The following CPPED1 variants were observed in gnomAD, a reference collection of about 807,000 sequenced individuals.
CPPED1 encodes the protein serine/threonine-protein phosphatase CPPED1.
CPPED1 carries 28 observed loss-of-function variants against 28.0 expected under a neutral mutation model. The observed-to-expected ratio is 1.00, with a 90% CI of 0.74 to 1.37. The LOEUF (loss-of-function observed/expected upper bound fraction) is 1.37. Ranked by LOEUF, CPPED1 falls within the 40% of genes most tolerant of loss-of-function variation. The pLI, the probability that CPPED1 is intolerant of heterozygous loss-of-function variation, is 0.00. For synonymous variants in CPPED1, 198 were observed against 180.2 expected, an observed-to-expected ratio of 1.10 and a Z score of -0.79; for missense variants, 504 against 416.5, an observed-to-expected ratio of 1.21 and a Z score of -1.83.
chr16:12,791,783 C>T (rs12596283), intron 1 of CPPED1, among the ~76,000 whole-genome samples: 6,224 of 152,268 alleles, frequency 0.041, 294 homozygotes, highest in East Asian at 0.11. Flanking sequence ...CAGGGCAGGC[C>T]CACGTTTGCA....
intron 2 of CPPED1, among the ~76,000 whole-genome samples, chr16:12,758,620 C>T (rs1438958854): frequency 6.6e-6 from 1 of 152,168 alleles, no homozygotes; most frequent in African/African-American, 2.4e-5. Flanking sequence ...GATGTCTTCA[C>T]TTTCTGACTT....
chr16:12,667,625 C>T (rs1163569545), intron 3 of CPPED1, among the ~76,000 whole-genome samples: 2 of 152,054 alleles, frequency 1.3e-5, no homozygotes, highest in African/African-American at 4.8e-5. Context: ...CAATTCTAGA[C>T]ATCAATCAAA....
intron 2 of CPPED1, among the ~76,000 whole-genome samples, chr16:12,775,091 A>T (rs1201556476): frequency 6.6e-6 from 1 of 152,028 alleles, no homozygotes; most frequent in Admixed American, 6.6e-5. Flanking sequence ...AAGTGCTGGG[A>T]TTATAGATGT....
chr16:12,695,885 C>G (rs1349523653), intron 3 of CPPED1, among the ~76,000 whole-genome samples: 1 of 152,174 alleles, frequency 6.6e-6, no homozygotes, highest in Non-Finnish European at 1.5e-5. Context: ...AAACTGTGAA[C>G]TTTAATTTGT....
At chr16:12,785,425 T>TC (rs1491540271) in intron 1 of CPPED1, among the ~76,000 whole-genome samples, 1 of 145,552 alleles carries the variant, frequency 6.9e-6, no homozygotes, top group Admixed American at 6.8e-5. Flanking sequence ...AAACGTGAAT[T>TC]CTTTTTTTTT....
Position 12,768,348 on chromosome 16 carries a change from G to A in CPPED1, c.289+12837C>T, listed in dbSNP as rs192290742. Among the ~76,000 whole-genome samples, 483 of 152,290 alleles carry A rather than the reference G, an allele frequency of 3.2e-3. 1 individual carries two copies. The highest frequency in any genetic ancestry group is 0.011 in the African/African-American group (465 of 41,560). On this transcript the variant is annotated intron_variant, in intron 2 of 3. Coordinates refer to ENST00000381774, the MANE Select transcript of CPPED1 (RefSeq NM_018340.3). ...TTGATCTAAACACTGGAACCCAGAC[G>A]GAAAGATTATGCTTTTTATTTTTAA...
At chr16:12,687,105 A>G (rs2079937373) in intron 3 of CPPED1, among the ~76,000 whole-genome samples, 1 of 152,072 alleles carries the variant, frequency 6.6e-6, no homozygotes, top group African/African-American at 2.4e-5. Context: ...GTCCCACAAA[A>G]CCTAAACTAT....
At chr16:12,774,305 T>C (rs2080485527) in intron 2 of CPPED1, among the ~76,000 whole-genome samples, 1 of 151,998 alleles carries the variant, frequency 6.6e-6, no homozygotes, top group African/African-American at 2.4e-5. Flanking sequence ...CCATCTCTAC[T>C]AAAATTACAA....
chr16:12,777,745 G>T (rs1021840871), intron 2 of CPPED1, among the ~76,000 whole-genome samples: 5 of 151,838 alleles, frequency 3.3e-5, no homozygotes, highest in Non-Finnish European at 5.9e-5. Flanking sequence ...CTGGTCTCTT[G>T]TCTCCAATAT....
intron 2 of CPPED1, among the ~76,000 whole-genome samples, chr16:12,744,291 AGAG>A (rs1199148741): frequency 4.8e-4 from 67 of 138,724 alleles, no homozygotes; most frequent in African/African-American, 1.3e-3. Flanking sequence ...AGAGAGAGAG[AGAG>A]AGAAAGCAAG....
At chr16:12,767,974 A>G (rs2080448920) in intron 2 of CPPED1, among the ~76,000 whole-genome samples, 1 of 152,070 alleles carries the variant, frequency 6.6e-6, no homozygotes, top group Admixed American at 6.6e-5. Context: ...AAAACAAAAA[A>G]ACCCCTGCCC....
chr16:12,803,245 C>T (rs1362337113), intron 1 of CPPED1, among the ~76,000 whole-genome samples: 2 of 152,200 alleles, frequency 1.3e-5, no homozygotes, highest in Non-Finnish European at 2.9e-5. Context: ...AAATAAACGT[C>T]ATTATGGAGT....
chr16:12,715,397 C>T (rs1343434188), intron 2 of CPPED1, among the ~76,000 whole-genome samples: 1 of 152,114 alleles, frequency 6.6e-6, no homozygotes, highest in Non-Finnish European at 1.5e-5. Flanking sequence ...TGGAGGCTCA[C>T]GTCTGTAATC....
At position 12,682,154 on chromosome 16, in the gene CPPED1, C is replaced by T. The variant is rs139157630; in HGVS notation, c.716-17039G>A. Among the ~76,000 whole-genome samples the T allele has an allele frequency of 4.0e-3, 612 of 152,192 alleles. 5 individuals are homozygous for T. Among genetic ancestry groups the T allele is most frequent in the African/African-American group, 0.014 (570 of 41,532 alleles). Reference sequence around the variant, plus strand: ...GTTCAAGCAGTTCTCCCTGCCTCAGCCTCCCGAGTAGCTGAGATTACAGGT... The same window carrying T: ...GTTCAAGCAGTTCTCCCTGCCTCAGTCTCCCGAGTAGCTGAGATTACAGGT... On this transcript the variant is annotated intron_variant, in intron 3 of 3. Coordinates refer to ENST00000381774, the MANE Select transcript of CPPED1 (RefSeq NM_018340.3). The surrounding 1 kb of genome is among the most constrained non-coding windows in gnomAD (Gnocchi z 6.1).
chr16:12,732,984 A>G (rs2080207227), intron 2 of CPPED1, among the ~76,000 whole-genome samples: 1 of 152,224 alleles, frequency 6.6e-6, no homozygotes, highest in Non-Finnish European at 1.5e-5. Context: ...AGGCCTACAG[A>G]GCAAGCAATC....
chr16:12,768,275 A>G (rs139248039), intron 2 of CPPED1, among the ~76,000 whole-genome samples: 1 of 152,316 alleles, frequency 6.6e-6, no homozygotes, highest in Non-Finnish European at 1.5e-5. Flanking sequence ...GCCTTCTCAA[A>G]TGCTTCACTG....
intron 2 of CPPED1, among the ~76,000 whole-genome samples, chr16:12,729,369 G>A (rs1258466796): frequency 6.6e-6 from 1 of 152,142 alleles, no homozygotes; most frequent in African/African-American, 2.4e-5. Context: ...CTTGAAGAAC[G>A]TGATCAGCTT....
At chr16:12,772,424 C>T (rs1301082666) in intron 2 of CPPED1, among the ~76,000 whole-genome samples, 1 of 152,248 alleles carries the variant, frequency 6.6e-6, no homozygotes, top group Non-Finnish European at 1.5e-5. Flanking sequence ...GCAGCCATAT[C>T]TGCACAAATC....
At chr16:12,799,558 T>G (rs1317106936) in intron 1 of CPPED1, among the ~76,000 whole-genome samples, 1 of 152,218 alleles carries the variant, frequency 6.6e-6, no homozygotes, top group South Asian at 2.1e-4. Context: ...GAAAAGCTAG[T>G]TCTTTAACTT....
Sources: gnomAD v4.1 joint callset for allele counts (sites outside exome capture counted in the v4.1 genomes callset) on GRCh38, gnomAD v4.1.1 for gene constraint, Gnocchi (gnomAD v3.1) non-coding constraint, MANE v1.5 for transcripts, NCBI Gene and HGNC (gene_info 2026-07-23, HGNC 2026-07-21) for gene names.